Variants in PPARG observed in about 807,000 individuals in gnomAD.
The protein encoded by PPARG is peroxisome proliferator-activated receptor gamma.
Under a neutral mutation model 39.2 loss-of-function variants are expected in PPARG, and 17 were observed. That is an observed-to-expected ratio of 0.43 (90% CI 0.30 to 0.65). The LOEUF is 0.65. Among genes scored for constraint, PPARG ranks in the 30% least tolerant of loss-of-function variants. The pLI is 0.13. For synonymous variants in PPARG, 223 were observed against 215.7 expected (o/e 1.03, Z -0.30); for missense variants, 406 against 585.9 (o/e 0.69, Z 3.17).
At chr3:12,362,794 TTTTG>T (rs995842316) in intron 2 of PPARG, among the ~76,000 whole-genome samples, 3 of 151,992 alleles carry the variant, frequency 2.0e-5, no homozygotes, top group African/African-American at 7.3e-5. Context: ...ACTCTAGGAT[TTTTG>T]TTTGTTTATT....
At chr3:12,391,311 A>G (rs905309448) in intron 4 of PPARG, among the ~76,000 whole-genome samples, 5 of 152,186 alleles carry the variant, frequency 3.3e-5, no homozygotes, top group African/African-American at 9.7e-5. Context: ...TTAGAAAGTC[A>G]TAAGTGCTAT....
At chr3:12,292,117 G>A (rs904149538) in intron 1 of PPARG, among the ~76,000 whole-genome samples, 5 of 152,194 alleles carry the variant, frequency 3.3e-5, no homozygotes, top group Admixed American at 2.6e-4. Flanking sequence ...TGCTTCTCAT[G>A]TGGTGATCAA....
intron 2 of PPARG, among the ~76,000 whole-genome samples, chr3:12,363,020 A>C (rs1016807881): frequency 2.6e-5 from 4 of 152,080 alleles, no homozygotes; most frequent in Admixed American, 6.6e-5. Context: ...CCTGGGCTCA[A>C]GTGATCCTCC....
Position 12,397,386 on chromosome 3 carries a change from TA to T in PPARG, c.529+4635del, listed in dbSNP as rs2050304330. 5.1e-5 allele frequency among the ~76,000 whole-genome samples: 5 copies of T among 97,320 alleles called. 1 individual carries two copies. Among genetic ancestry groups the T allele is most frequent in the African/African-American group, 2.3e-4 (5 of 22,072 alleles). The allele number at this position is 97,320 out of a possible 152,430, so 63.8% of individuals were successfully genotyped here. On this transcript the variant is annotated intron_variant, in intron 5 of 7. Transcript: ENST00000651735. ...ACTTTAACCTATTCCTTTTTATTATTATTATTATTATTATTATTATTATTAT... is the reference window on the plus strand; with the variant it reads ...ACTTTAACCTATTCCTTTTTATTATTTTATTATTATTATTATTATTATTAT...
intron 5 of PPARG, among the ~76,000 whole-genome samples, chr3:12,397,908 T>G (rs926559251): frequency 6.6e-6 from 1 of 152,066 alleles, no homozygotes; most frequent in Non-Finnish European, 1.5e-5. Context: ...CTGCCCACTT[T>G]CCACTCACAC....
At chr3:12,403,409 G>A (rs146608469) in intron 5 of PPARG, among the ~76,000 whole-genome samples, 1 of 152,016 alleles carries the variant, frequency 6.6e-6, no homozygotes, top group African/African-American at 2.4e-5. Context: ...AAGTGTAGTG[G>A]CTCTATCACG....
chr3:12,403,947 G>A (rs892201829), intron 5 of PPARG, among the ~76,000 whole-genome samples: 1 of 152,162 alleles, frequency 6.6e-6, no homozygotes, highest in Non-Finnish European at 1.5e-5. Context: ...TATGGCAAGG[G>A]AGGAAAGAAA....
At chr3:12,355,426 G>T (rs565956276) in intron 2 of PPARG, among the ~76,000 whole-genome samples, 1 of 152,138 alleles carries the variant, frequency 6.6e-6, no homozygotes, top group South Asian at 2.1e-4. Context: ...GTGAGCCATC[G>T]CAGCCTGCCC....
chr3:12,345,220 A>G (rs2125079053), intron 2 of PPARG, among the ~76,000 whole-genome samples: 1 of 152,348 alleles, frequency 6.6e-6, no homozygotes, highest in Non-Finnish European at 1.5e-5. Flanking sequence ...GGGATGACTC[A>G]TGAAGAATCT....
chr3:12,388,862 A>G (rs1454337930), intron 4 of PPARG, among the ~76,000 whole-genome samples: 4 of 152,224 alleles, frequency 2.6e-5, no homozygotes, highest in Admixed American at 2.0e-4. Context: ...TGAAGCTTCT[A>G]AAAGTTAAAA....
intron 2 of PPARG, chr3:12,372,112 G>T (rs2049238760): frequency 1.4e-6 from 1 of 721,326 alleles, no homozygotes; most frequent in South Asian, 1.5e-5. Context: ...GGCTTTTCAG[G>T]CACGTACTCT....
Position 12,433,894 on chromosome 3 carries a change from C to G in PPARG, c.1181-4C>G. The G allele has an allele frequency of 6.2e-7, 1 of 1,614,056 alleles. No individual in the cohort carries two copies. On this transcript the variant is annotated splice_polypyrimidine_tract_variant and splice_region_variant and intron_variant, in intron 7 of 7. Transcript: ENST00000651735. ...TGTTGTGTTTTCCATATGTGCTTCC[C>G]CAGACCGCCCAGGTTTGCTGAATGT... is the stretch of plus-strand genomic sequence containing the variant.
intron 7 of PPARG, among the ~76,000 whole-genome samples, chr3:12,417,902 C>CTTTTTTTTTTTTTTTTTCTTTTTT (rs2051131489): frequency 1.5e-5 from 1 of 65,900 alleles, no homozygotes; most frequent in African/African-American, 5.9e-5. Flanking sequence ...TTTTTTTTTC[C>CTTTTTTTTTTTTTTTTTCTTTTTT]TTTTTTTTTT....
At chr3:12,287,771 C>A (rs2124907375), upstream of PPARG, 1 of 145,830 alleles carries the variant, frequency 6.9e-6, no homozygotes, top group Non-Finnish European at 1.5e-5. Context: ...CCGGGCCGCT[C>A]CCTCCCAGTC....
intron 2 of PPARG, among the ~76,000 whole-genome samples, chr3:12,366,738 G>C (rs184244625): frequency 2.7e-3 from 410 of 152,242 alleles, no homozygotes; most frequent in Non-Finnish European, 3.8e-3. Flanking sequence ...ACATACCTTA[G>C]CTAAATCTCA....
At chr3:12,360,303 G>T (rs904930159) in intron 2 of PPARG, among the ~76,000 whole-genome samples, 3 of 152,060 alleles carry the variant, frequency 2.0e-5, no homozygotes, top group Non-Finnish European at 4.4e-5. Flanking sequence ...GAGCCACCAT[G>T]GCTGGCCTTA....
intron 2 of PPARG, among the ~76,000 whole-genome samples, chr3:12,358,613 C>A (rs185224119): frequency 1.3e-5 from 2 of 152,172 alleles, no homozygotes; most frequent in African/African-American, 2.4e-5. Flanking sequence ...AAATTATAGA[C>A]CTATTAGATA....
intron 2 of PPARG, among the ~76,000 whole-genome samples, chr3:12,316,054 T>C (rs1396759341): frequency 6.6e-6 from 1 of 152,188 alleles, no homozygotes; most frequent in Non-Finnish European, 1.5e-5. Flanking sequence ...ATACAAGTAG[T>C]ACTACGGGAA....
intron 6 of PPARG, among the ~76,000 whole-genome samples, chr3:12,416,436 A>G (rs1486597729): frequency 6.6e-6 from 1 of 152,176 alleles, no homozygotes; most frequent in Non-Finnish European, 1.5e-5. Context: ...AACAAAAGAA[A>G]TCAGGATTCT....
Sources: gnomAD v4.1 joint callset for allele counts (sites outside exome capture counted in the v4.1 genomes callset) on GRCh38, gnomAD v4.1.1 for gene constraint, MANE v1.5 for transcripts, NCBI Gene and HGNC (gene_info 2026-07-23, HGNC 2026-07-21) for gene names.